SAMM50: variants seen among roughly 807,000 people sequenced by gnomAD.
SAMM50 encodes the protein SAMM50 sorting and assembly machinery component, also known as sorting and assembly machinery component 50 homolog.
In SAMM50, 47 loss-of-function variants were observed where a neutral mutation model predicts 66.9. The ratio of observed to expected loss-of-function variants is 0.70; its 90% CI spans 0.56 to 0.90. The LOEUF (loss-of-function observed/expected upper bound fraction) is 0.90. Among genes scored for constraint, SAMM50 ranks in the 40% least tolerant of loss-of-function variants. The pLI is 0.00. For synonymous variants in SAMM50, 191 were observed against 214.1 expected, an observed-to-expected ratio of 0.89 and a Z score of 0.94; for missense variants, 535 against 595.3, an observed-to-expected ratio of 0.90 and a Z score of 1.05.
chr22:43,977,819 C>A (rs1162352052), intron 9 of SAMM50, 53 bp from the exon 10 acceptor site: 5 of 1,172,292 alleles, frequency 4.3e-6, no homozygotes, highest in Non-Finnish European at 6.3e-6. Flanking sequence ...GATTCTGTAG[C>A]CCCTGTAATA....
intron 8 of SAMM50, among the ~76,000 whole-genome samples, 179 bp downstream of exon 8, chr22:43,976,362 G>A (rs554648037): frequency 1.1e-3 from 167 of 152,284 alleles, no homozygotes; most frequent in African/African-American, 3.9e-3. Flanking sequence ...GGTCCTTTCC[G>A]AATAATGTCA....
intron 10 of SAMM50, 99 bp from the exon 11 acceptor site, chr22:43,981,292 C>T (rs994611642): frequency 3.2e-5 from 30 of 932,286 alleles, no homozygotes; most frequent in African/African-American, 3.1e-4. Context: ...GAGCTCTGCA[C>T]GCCACGGGCA....
intron 1 of SAMM50, chr22:43,957,236 T>C: frequency 3.0e-6 from 2 of 666,870 alleles, no homozygotes; most frequent in Non-Finnish European, 5.5e-6. Flanking sequence ...TGGGGAAAGG[T>C]AACTCGGGCC....
intron 11 of SAMM50, 128 bp downstream of exon 11, chr22:43,981,589 T>C: frequency 1.6e-6 from 1 of 636,686 alleles, no homozygotes; most frequent in Non-Finnish European, 2.7e-6. Context: ...CCTTTAGTAT[T>C]TATGTTTAAG....
chr22:43,981,327 T>A, intron 10 of SAMM50, 64 bp from the exon 11 acceptor site: 1 of 1,317,184 alleles, frequency 7.6e-7, no homozygotes, highest in Non-Finnish European at 1.1e-6. Context: ...AGTTGCTAGT[T>A]GCTGATGTTC....
At chr22:43,973,987 G>A (rs1013672445) in intron 7 of SAMM50, among the ~76,000 whole-genome samples, 9 of 151,396 alleles carry the variant, frequency 5.9e-5, no homozygotes, top group South Asian at 2.1e-4. Flanking sequence ...ATTGGAATTC[G>A]TATCATTTGG....
chr22:43,963,153 T>C, intron 1 of SAMM50, 133 bp from the exon 2 acceptor site: 1 of 585,566 alleles, frequency 1.7e-6, no homozygotes, highest in South Asian at 2.5e-5. Flanking sequence ...TGGTCCCTAT[T>C]CCTGCCCCTA....
At position 43,989,100 on chromosome 22, in the gene SAMM50, C is replaced by A. The variant is rs758528826; in HGVS notation, c.1076-11C>A. ...GACCTTGTTTTTGTTCTGCACCCCT[C>A]CTTTGCTTAGGAGACTACCTAGGTG... On this transcript the variant is annotated splice_polypyrimidine_tract_variant and intron_variant, in intron 12 of 14. Transcript: ENST00000350028. 7 of 1,608,240 alleles carry A rather than the reference C, an allele frequency of 4.4e-6. No homozygotes were observed. Among genetic ancestry groups the A allele is most frequent in the Non-Finnish European group, 5.9e-6 (7 of 1,177,958 alleles).
At chr22:43,963,223 A>C (rs2050156284) in intron 1 of SAMM50, 63 bp from the exon 2 acceptor site, 1 of 1,011,020 alleles carries the variant, frequency 9.9e-7, no homozygotes, top group East Asian at 2.5e-5. Flanking sequence ...GACAAAACTC[A>C]AAGGTAAGTG....
chr22:43,966,757 G>A (rs1159836038), intron 3 of SAMM50, among the ~76,000 whole-genome samples: 2 of 151,902 alleles, frequency 1.3e-5, no homozygotes, highest in Non-Finnish European at 2.9e-5. Context: ...GAAGAAAAAT[G>A]CCATCTCATT....
chr22:43,957,273 C>G (rs1321121586), intron 1 of SAMM50: 1 of 655,616 alleles, frequency 1.5e-6, no homozygotes, highest in African/African-American at 1.8e-5. Flanking sequence ...TGATTCGTGC[C>G]AAATTCTGAA....
rs775156110 is a variant in SAMM50 at position 43,989,157 on chromosome 22, C to A, written c.1122C>A (p.Leu374=). 3 of 1,614,200 alleles carry A rather than the reference C, an allele frequency of 1.9e-6. No individual in the cohort carries two copies. ...GEAYWAGGLH[L]YTPLPFRPGQ... is the part of the protein sequence containing the mutation. Reference sequence around the variant, plus strand: ...CGTACTGGGCCGGCGGCCTGCACCTCTACACCCCATTACCTTTCCGGCCAG... The same window carrying A: ...CGTACTGGGCCGGCGGCCTGCACCTATACACCCCATTACCTTTCCGGCCAG... The change falls in exon 13 of 15, where the codon CTC becomes CTA. Residue 374 remains leucine (L), a synonymous_variant. Coordinates refer to ENST00000350028, the MANE Select transcript of SAMM50 (RefSeq NM_015380.5).
chr22:43,971,727 T>A (rs77182648), intron 4 of SAMM50, among the ~76,000 whole-genome samples: 1 of 152,140 alleles, frequency 6.6e-6, no homozygotes, highest in African/African-American at 2.4e-5. Context: ...GTTTTTTTTT[T>A]AGAGACAGGG....
intron 4 of SAMM50, among the ~76,000 whole-genome samples, chr22:43,971,268 G>A (rs529801217): frequency 6.6e-6 from 1 of 152,318 alleles, no homozygotes; most frequent in South Asian, 2.1e-4. Flanking sequence ...CAGTTGCCCA[G>A]ATGCGTCTAG....
Position 43,972,869 on chromosome 22 carries a change from A to G in SAMM50, c.430-2A>G. The stretch of plus-strand genomic sequence containing the variant: ...TGCTATTTTTTTTTTTTCCCCTCCT[A>G]GGTACTTGGCCTCAAGCTTCCTAAT... On this transcript the variant is annotated splice_acceptor_variant, in intron 5 of 14. Coordinates refer to ENST00000350028, the MANE Select transcript of SAMM50 (RefSeq NM_015380.5). LOFTEE classifies it high-confidence loss of function. 3 of 1,575,354 alleles carry G rather than the reference A, an allele frequency of 1.9e-6. No homozygotes were observed. The highest frequency in any genetic ancestry group is 4.0e-5 in the Admixed American group (2 of 50,070).
intron 7 of SAMM50, among the ~76,000 whole-genome samples, chr22:43,973,833 G>A (rs1203305137): frequency 6.6e-6 from 1 of 151,948 alleles, no homozygotes; most frequent in East Asian, 1.9e-4. Context: ...GGCTGGTCTC[G>A]AACTCCCGAC....
At chr22:43,991,675 C>T (rs1035007937) in intron 14 of SAMM50, among the ~76,000 whole-genome samples, 4 of 152,250 alleles carry the variant, frequency 2.6e-5, no homozygotes, top group African/African-American at 9.6e-5. Flanking sequence ...GTGACTTAAA[C>T]AACAGATGTT....
chr22:43,972,934 T>G lies in SAMM50; in HGVS notation c.493T>G (p.Tyr165Asp). The change falls in exon 6 of 15, where the codon TAT (tyrosine) becomes GAT (aspartate). Residue 165 changes from tyrosine to aspartate, a missense_variant. Tyr to Asp is a radical substitution (Grantham distance 160, BLOSUM62 -3). Coordinates refer to ENST00000350028, the MANE Select transcript of SAMM50 (RefSeq NM_015380.5). ...AGAAAAGGTGACCTTTCAGTTTTCC[T>G]ATGGAACAAAAGAAACTTCGTATGG... Reference protein sequence around the residue: ...RAEKVTFQFSYGTKETSYGLS... With the variant: ...RAEKVTFQFSDGTKETSYGLS... 1 of 1,603,216 alleles carries G rather than the reference T, an allele frequency of 6.2e-7. No individual in the cohort carries two copies. The highest frequency in any genetic ancestry group is 8.5e-7 in the Non-Finnish European group (1 of 1,177,756).
At position 43,968,815 on chromosome 22, in the gene SAMM50, C is replaced by A; in HGVS notation, c.319C>A (p.Gln107Lys). The change falls in exon 4 of 15, where the codon CAA becomes AAA. Residue 107 changes from glutamine to lysine, a missense_variant. By Grantham distance (53) the Gln-to-Lys change is moderately conservative (BLOSUM62 1). Coordinates refer to ENST00000350028, the MANE Select transcript of SAMM50 (RefSeq NM_015380.5). ...AGTGGATGTTTTGATTGACACATGTCAAGGTACATATTGTGGTGTAGTATC... is the reference window on the plus strand; with the variant it reads ...AGTGGATGTTTTGATTGACACATGTAAAGGTACATATTGTGGTGTAGTATC... ...RQVDVLIDTCQGDDALPNGLD... is the reference protein window; with the variant it reads ...RQVDVLIDTCKGDDALPNGLD... The A allele has an allele frequency of 6.2e-7, 1 of 1,604,542 alleles. No homozygotes were observed. Among genetic ancestry groups the A allele is most frequent in the Non-Finnish European group, 8.5e-7 (1 of 1,171,338 alleles).
Sources: gnomAD v4.1 joint callset for allele counts (sites outside exome capture counted in the v4.1 genomes callset) on GRCh38, gnomAD v4.1.1 for gene constraint, MANE v1.5 for transcripts, NCBI Gene and HGNC (gene_info 2026-07-23, HGNC 2026-07-21) for gene names.